RAB40C: variants seen among roughly 807,000 people sequenced by gnomAD.
The protein encoded by RAB40C is RAB40C, member RAS oncogene family, also known as ras-related protein Rab-40C.
Under a neutral mutation model 28.1 loss-of-function variants are expected in RAB40C, and 8 were observed. The observed-to-expected ratio is 0.28, with a 90% CI of 0.17 to 0.51. RAB40C has a LOEUF of 0.51. RAB40C is among the 20% of genes least tolerant of loss of function. RAB40C has a pLI of 0.97. For missense variants in RAB40C, 288 were observed against 405.9 expected, an observed-to-expected ratio of 0.71 and a Z score of 2.50; for synonymous variants, 201 against 171.7, an observed-to-expected ratio of 1.17 and a Z score of -1.34.
intron 1 of RAB40C, among the ~76,000 whole-genome samples, chr16:604,720 C>A (rs367710808): frequency 2.0e-5 from 3 of 152,214 alleles, no homozygotes; most frequent in African/African-American, 7.2e-5. Context: ...TAAGCTTGCC[C>A]AGCCTGGGCA....
chr16:617,711 C>T lies in RAB40C; in HGVS notation c.203+443C>T, dbSNP rs993385342. On this transcript the variant is annotated intron_variant, in intron 2 of 5. Transcript: ENST00000248139. ...TACAAAAATTAGCCAGGTGTGGTGG[C>T]GGGCGCCTGTAGTCCCAGCCACTCA... 2.6e-5 allele frequency among the ~76,000 whole-genome samples: 4 copies of T among 152,076 alleles called. No individual in the cohort carries two copies. In the East Asian group the frequency reaches 5.8e-4, roughly 22 times the overall value.
chr16:625,881 TGAG>T lies in RAB40C; in HGVS notation c.343-17_343-15del. ...TGGCACCCTGCGTTTGTGCGTCTGC[TGAG>T]TTCTGTGCCCCCAGCATGCACCCGG... On this transcript the variant is annotated splice_polypyrimidine_tract_variant and intron_variant, in intron 4 of 5. Transcript: ENST00000248139. 1 of 1,605,472 alleles carries T rather than the reference TGAG, an allele frequency of 6.2e-7. No individual in the cohort carries two copies. The highest frequency in any genetic ancestry group is 8.5e-7 in the Non-Finnish European group (1 of 1,175,260).
intron 1 of RAB40C, among the ~76,000 whole-genome samples, chr16:593,702 C>T (rs2036049792): frequency 6.6e-6 from 1 of 152,208 alleles, no homozygotes; most frequent in Non-Finnish European, 1.5e-5. Flanking sequence ...GGCGTGTGAC[C>T]ACACGCCCAG....
At chr16:608,608 G>A (rs750189034) in intron 1 of RAB40C, among the ~76,000 whole-genome samples, 2 of 152,192 alleles carry the variant, frequency 1.3e-5, no homozygotes, top group Non-Finnish European at 2.9e-5. Flanking sequence ...GGTGGCTCAC[G>A]CCTGTAATCC....
chr16:595,228 C>T (rs2036087983), intron 1 of RAB40C, among the ~76,000 whole-genome samples: 1 of 152,200 alleles, frequency 6.6e-6, no homozygotes, highest in African/African-American at 2.4e-5. Flanking sequence ...CTGCCAGCAC[C>T]GGTGGGCGCT....
In RAB40C at chr16:625,936, G is replaced by A. The variant is rs2036820218; in HGVS notation, c.380G>A (p.Arg127Gln). 1.2e-6 allele frequency: 2 copies of A among 1,613,206 alleles called. No individual in the cohort carries two copies. Among genetic ancestry groups the A allele is most frequent in the Non-Finnish European group, 1.7e-6 (2 of 1,179,936 alleles). ...GTCCCCCGGATCTTGGTTGGAAACC[G>A]GCTGCACCTGGCCTTCAAGCGGCAG... ...PGVPRILVGN[R>Q]LHLAFKRQVP... Residue 127 changes from arginine to glutamine, a missense_variant, in exon 5 of 6, where the codon CGG becomes CAG. By Grantham distance (43) the Arg-to-Gln change is conservative (BLOSUM62 1). Coordinates refer to ENST00000248139, the MANE Select transcript of RAB40C (RefSeq NM_021168.5).
intron 1 of RAB40C, among the ~76,000 whole-genome samples, chr16:592,826 G>A (rs912993653): frequency 1.3e-5 from 2 of 152,256 alleles, no homozygotes; most frequent in Admixed American, 6.5e-5. Context: ...ACACAGCCAG[G>A]AGCTGGAGAG....
intron 1 of RAB40C, among the ~76,000 whole-genome samples, chr16:599,029 T>A (rs924264936): frequency 2.6e-5 from 4 of 152,154 alleles, no homozygotes; most frequent in Non-Finnish European, 4.4e-5. Flanking sequence ...GCACAGCAGG[T>A]ACAGCCTGTG....
chr16:617,328 CAGAACCCTTAG>C, intron 2 of RAB40C, 60 bp downstream of exon 2: 1 of 1,589,078 alleles, frequency 6.3e-7, no homozygotes, highest in Non-Finnish European at 8.6e-7. Context: ...GAAGGGAGAA[CAGAACCCTTAG>C]AGAAACAGGA....
chr16:625,698 A>G, intron 4 of RAB40C, 189 bp downstream of exon 4: 1 of 836,522 alleles, frequency 1.2e-6, no homozygotes, highest in Admixed American at 2.3e-5. Context: ...GGAGCCCAGC[A>G]AGACCAGGAG....
chr16:598,164 G>C (rs2036172783), intron 1 of RAB40C, among the ~76,000 whole-genome samples: 1 of 151,962 alleles, frequency 6.6e-6, no homozygotes, highest in Non-Finnish European at 1.5e-5. Flanking sequence ...TGGATCACGA[G>C]GTCAGGAGAT....
chr16:606,878 C>G (rs937851816), intron 1 of RAB40C, among the ~76,000 whole-genome samples: 1 of 152,194 alleles, frequency 6.6e-6, no homozygotes, highest in Non-Finnish European at 1.5e-5. Flanking sequence ...TCTCCCACCT[C>G]GAGATCCGTG....
At chr16:616,028 C>T (rs181841218) in intron 1 of RAB40C, among the ~76,000 whole-genome samples, 59 of 152,138 alleles carry the variant, frequency 3.9e-4, no homozygotes, top group Middle Eastern at 3.4e-3. Context: ...GAGGCTGAGG[C>T]GGGTGGATCA....
Position 590,372 on chromosome 16 carries a change from G to A in RAB40C, c.81G>A (p.Lys27=), listed in dbSNP as rs1235758227. 3.1e-6 allele frequency: 5 copies of A among 1,598,166 alleles called. No homozygotes were observed. In the East Asian group the frequency reaches 6.9e-5, roughly 22 times the overall value. The change falls in exon 1 of 6, where the codon AAG becomes AAA. Residue 27 remains lysine (K), a synonymous_variant. Transcript: ENST00000248139. ...TGGTGGGCGACAGCGACGTGGGCAA[G>A]GGCGAGATCCTGGAGAGCCTGCAGG... ...FLLVGDSDVG[K]GEILESLQDG...
intron 1 of RAB40C, among the ~76,000 whole-genome samples, chr16:595,365 C>T (rs2036091522): frequency 6.6e-6 from 1 of 152,174 alleles, no homozygotes; most frequent in East Asian, 1.9e-4. Flanking sequence ...CGGGAGGAGC[C>T]GCCCTGCAGG....
intron 3 of RAB40C, among the ~76,000 whole-genome samples, chr16:622,510 CTTTTG>C (rs766268780): frequency 7.2e-5 from 11 of 152,196 alleles, no homozygotes; most frequent in Non-Finnish European, 1.3e-4. Flanking sequence ...CTCGCTCGTT[CTTTTG>C]TTTTGTTTTT....
intron 1 of RAB40C, among the ~76,000 whole-genome samples, chr16:600,126 C>G (rs960760556): frequency 1.3e-5 from 2 of 152,200 alleles, no homozygotes; most frequent in South Asian, 2.1e-4. Flanking sequence ...ACTCCCATGG[C>G]CCCCTTGATG....
chr16:619,509 G>C (rs1395831273), intron 3 of RAB40C, among the ~76,000 whole-genome samples: 2 of 152,216 alleles, frequency 1.3e-5, no homozygotes, highest in African/African-American at 4.8e-5. Context: ...GGGCAAGGAC[G>C]TGAAGCCCAT....
intron 1 of RAB40C, among the ~76,000 whole-genome samples, chr16:595,195 T>G (rs1266549585): frequency 2.0e-5 from 3 of 152,216 alleles, no homozygotes; most frequent in Non-Finnish European, 4.4e-5. Context: ...CAGCTAATGC[T>G]GCCAGCGTGT....
Sources: allele counts gnomAD v4.1 joint callset (sites outside exome capture counted in the v4.1 genomes callset), GRCh38; gene constraint gnomAD v4.1.1; transcripts MANE v1.5; gene names NCBI Gene and HGNC (gene_info 2026-07-23, HGNC 2026-07-21).